SPOCK1: variants seen among roughly 807,000 people sequenced by gnomAD.
SPOCK1 encodes testican-1.
In SPOCK1, 23 loss-of-function variants were observed where a neutral mutation model predicts 55.3. The ratio of observed to expected loss-of-function variants is 0.42; its 90% CI spans 0.30 to 0.59. The LOEUF is 0.59. SPOCK1 is among the 20% of genes least tolerant of loss of function. The pLI is 0.22. For synonymous variants in SPOCK1, 226 were observed against 221.0 expected (o/e 1.02, Z -0.20); for missense variants, 499 against 552.5 (o/e 0.90, Z 0.97).
intron 7 of SPOCK1, among the ~76,000 whole-genome samples, chr5:136,990,158 T>A (rs1750919458): frequency 1.3e-5 from 2 of 152,066 alleles, no homozygotes; most frequent in Admixed American, 6.6e-5. Flanking sequence ...GATCCACCTG[T>A]CTTGGCCTCC....
chr5:137,105,820 T>G (rs955653392), intron 5 of SPOCK1, among the ~76,000 whole-genome samples: 2 of 152,170 alleles, frequency 1.3e-5, no homozygotes, highest in Non-Finnish European at 2.9e-5. Context: ...GAGACATAAT[T>G]GAGCCATTTG....
chr5:137,338,126 G>T (rs986427242), intron 2 of SPOCK1, among the ~76,000 whole-genome samples: 12 of 151,982 alleles, frequency 7.9e-5, no homozygotes, highest in African/African-American at 2.9e-4. Flanking sequence ...CCAATAACTC[G>T]TCATTTAGCA....
intron 3 of SPOCK1, among the ~76,000 whole-genome samples, chr5:137,235,078 G>A (rs964616535): frequency 6.6e-6 from 1 of 152,190 alleles, no homozygotes; most frequent in African/African-American, 2.4e-5. Context: ...AGTGACCTGG[G>A]GACCAGACAT....
chr5:137,160,370 A>G lies in SPOCK1; in HGVS notation c.233-19676T>C, dbSNP rs549784970. ...TTATATTATATAAATATATAAATAT[A>G]TAAAATATTTAAAACATAAATATAT... On this transcript the variant is annotated intron_variant, in intron 3 of 10. Coordinates refer to ENST00000394945, the MANE Select transcript of SPOCK1 (RefSeq NM_004598.4). Among the ~76,000 whole-genome samples, 855 of 133,996 alleles carry G rather than the reference A, an allele frequency of 6.4e-3. 9 individuals carry two copies. Among genetic ancestry groups the G allele is most frequent in the South Asian group, 0.019 (85 of 4,568 alleles). 87.9% of individuals were successfully genotyped at this position (133,996 alleles called of 152,430 possible).
intron 1 of SPOCK1, among the ~76,000 whole-genome samples, 194 bp downstream of exon 1, chr5:137,498,985 G>A (rs1580961686): frequency 6.6e-6 from 1 of 152,192 alleles, no homozygotes; most frequent in African/African-American, 2.4e-5. Flanking sequence ...CCGGCAAGCG[G>A]GGTGGGGGCT....
chr5:137,223,946 A>G (rs1263061834), intron 3 of SPOCK1, among the ~76,000 whole-genome samples: 1 of 152,340 alleles, frequency 6.6e-6, no homozygotes. Flanking sequence ...CCTACTAAAT[A>G]ATAAGAGAAT....
chr5:137,291,554 G>C (rs1757369871), intron 2 of SPOCK1, among the ~76,000 whole-genome samples: 1 of 152,142 alleles, frequency 6.6e-6, no homozygotes, highest in Non-Finnish European at 1.5e-5. Flanking sequence ...GTCAGGTATG[G>C]GCAAAGGAGT....
intron 2 of SPOCK1, among the ~76,000 whole-genome samples, chr5:137,397,181 C>G (rs761215189): frequency 1.3e-5 from 2 of 152,172 alleles, no homozygotes; most frequent in Non-Finnish European, 2.9e-5. Context: ...AGAACTCATC[C>G]AGAAGTGGGA....
chr5:137,469,311 A>G (rs1464214808), intron 2 of SPOCK1, among the ~76,000 whole-genome samples: 1 of 152,156 alleles, frequency 6.6e-6, no homozygotes, highest in Admixed American at 6.5e-5. Flanking sequence ...GCTTTCCAGA[A>G]CCCGCCAGGA....
intron 3 of SPOCK1, among the ~76,000 whole-genome samples, chr5:137,147,294 C>T (rs1420198627): frequency 6.6e-6 from 1 of 152,160 alleles, no homozygotes; most frequent in African/African-American, 2.4e-5. Flanking sequence ...TATGACCCAG[C>T]AAGTGAACAT....
chr5:137,442,851 T>G (rs1033605166), intron 2 of SPOCK1, among the ~76,000 whole-genome samples: 3 of 152,244 alleles, frequency 2.0e-5, no homozygotes, highest in African/African-American at 7.2e-5. Context: ...TTCCTGGCAT[T>G]GTTTTTCATG....
intron 3 of SPOCK1, among the ~76,000 whole-genome samples, chr5:137,176,655 T>C (rs1351808205): frequency 6.6e-6 from 1 of 152,146 alleles, no homozygotes; most frequent in East Asian, 1.9e-4. Flanking sequence ...AGATGAACCC[T>C]TCATCAGAAA....
intron 6 of SPOCK1, among the ~76,000 whole-genome samples, chr5:137,010,508 C>G (rs946440340): frequency 1.3e-5 from 2 of 151,884 alleles, no homozygotes; most frequent in Non-Finnish European, 1.5e-5. Context: ...CTCAGTGAAG[C>G]CTCAGGATGT....
chr5:137,226,156 T>C (rs144291321), intron 3 of SPOCK1, among the ~76,000 whole-genome samples: 2 of 152,332 alleles, frequency 1.3e-5, no homozygotes, highest in African/African-American at 4.8e-5. Flanking sequence ...AAAGCAATTC[T>C]GCAGCACAGT....
At chr5:137,197,955 T>C (rs565451240) in intron 3 of SPOCK1, among the ~76,000 whole-genome samples, 2 of 152,336 alleles carry the variant, frequency 1.3e-5, no homozygotes, top group Non-Finnish European at 2.9e-5. Context: ...TAAAACTTCT[T>C]AAAGTCAGAA....
chr5:137,158,972 A>G (rs962236891), intron 3 of SPOCK1, among the ~76,000 whole-genome samples: 2 of 152,160 alleles, frequency 1.3e-5, no homozygotes, highest in African/African-American at 4.8e-5. Flanking sequence ...AGAGACTGAC[A>G]TGCTCTTATT....
chr5:137,199,978 T>C (rs1256728407), intron 3 of SPOCK1, among the ~76,000 whole-genome samples: 2 of 152,176 alleles, frequency 1.3e-5, no homozygotes, highest in East Asian at 3.9e-4. Flanking sequence ...CTCAGCAGCA[T>C]CTTCTCGCCT....
intron 2 of SPOCK1, among the ~76,000 whole-genome samples, chr5:137,380,969 A>G (rs1442102500): frequency 6.6e-6 from 1 of 152,154 alleles, no homozygotes; most frequent in East Asian, 1.9e-4. Context: ...CCAAAGGATC[A>G]TCTCCCACTA....
intron 2 of SPOCK1, among the ~76,000 whole-genome samples, chr5:137,440,539 T>C (rs1207482542): frequency 2.0e-5 from 3 of 152,180 alleles, no homozygotes; most frequent in Non-Finnish European, 4.4e-5. Context: ...CTGTTCACGA[T>C]CTTTTTAAAA....
Sources: allele counts gnomAD v4.1 joint callset (sites outside exome capture counted in the v4.1 genomes callset), GRCh38; gene constraint gnomAD v4.1.1; transcripts MANE v1.5; gene names NCBI Gene and HGNC (gene_info 2026-07-23, HGNC 2026-07-21).